NAALADL2: variants seen among roughly 807,000 people sequenced by gnomAD.
NAALADL2 encodes the protein inactive N-acetylated-alpha-linked acidic dipeptidase-like protein 2.
Under a neutral mutation model 87.2 loss-of-function variants are expected in NAALADL2, and 76 were observed. That is an observed-to-expected ratio of 0.87 (90% CI 0.72 to 1.05). NAALADL2 has a LOEUF of 1.05. Ranked by LOEUF, NAALADL2 falls within the 50% of genes least tolerant of loss-of-function variation. NAALADL2 has a pLI of 0.00. For synonymous variants in NAALADL2, 354 were observed against 331.0 expected (o/e 1.07, Z -0.75); for missense variants, 1,089 against 945.8 (o/e 1.15, Z -1.99).
intron 1 of NAALADL2, among the ~76,000 whole-genome samples, chr3:174,883,036 A>G (rs182202417): frequency 6.6e-4 from 100 of 151,974 alleles, no homozygotes; most frequent in African/African-American, 2.3e-3. Flanking sequence ...CCAAAACTGA[A>G]GAACTTGGAG....
chr3:174,855,892 A>G (rs900650832), upstream of NAALADL2, among the ~76,000 whole-genome samples: 8 of 142,340 alleles, frequency 5.6e-5, no homozygotes, highest in Non-Finnish European at 1.0e-4. Context: ...ATATGAATAT[A>G]TATACACATA....
chr3:175,792,177 G>A (rs373143397), intron 13 of NAALADL2, among the ~76,000 whole-genome samples: 139 of 152,198 alleles, frequency 9.1e-4, no homozygotes, highest in African/African-American at 2.9e-3. Context: ...AGTGACACAC[G>A]AATAAACTGT....
intron 4 of NAALADL2, among the ~76,000 whole-genome samples, chr3:175,313,883 T>C (rs900801126): frequency 1.3e-5 from 2 of 151,688 alleles, no homozygotes; most frequent in Non-Finnish European, 2.9e-5. Context: ...GCCAACATGG[T>C]AAAACCATGT....
intron 3 of NAALADL2, among the ~76,000 whole-genome samples, chr3:174,747,352 G>GA: frequency 6.6e-6 from 1 of 152,172 alleles, no homozygotes; most frequent in Middle Eastern, 3.4e-3. Context: ...GTTCATCAGA[G>GA]AAATGCAAAT....
At chr3:175,130,214 C>A (rs1027316482) in intron 2 of NAALADL2, among the ~76,000 whole-genome samples, 1 of 151,966 alleles carries the variant, frequency 6.6e-6, no homozygotes, top group Non-Finnish European at 1.5e-5. Flanking sequence ...ATTATAACTT[C>A]TTATAAATTT....
intron 1 of NAALADL2, among the ~76,000 whole-genome samples, chr3:174,923,862 A>T (rs576908623): frequency 8.2e-4 from 125 of 152,154 alleles, no homozygotes; most frequent in African/African-American, 2.7e-3. Flanking sequence ...AATTTGTGAT[A>T]TTTTTTGGGT....
intron 2 of NAALADL2, among the ~76,000 whole-genome samples, chr3:174,565,742 T>C (rs1714178876): frequency 6.6e-6 from 1 of 152,062 alleles, no homozygotes; most frequent in African/African-American, 2.4e-5. Context: ...TGTAAGAAAC[T>C]GCTAAATTGT....
At chr3:174,503,434 A>C (rs1382144750) in intron 1 of NAALADL2, among the ~76,000 whole-genome samples, 1 of 152,200 alleles carries the variant, frequency 6.6e-6, no homozygotes, top group Non-Finnish European at 1.5e-5. Flanking sequence ...AAAGGAGTTA[A>C]TCAAAATTAG....
chr3:175,695,382 C>T (rs1267761075), intron 11 of NAALADL2, among the ~76,000 whole-genome samples: 1 of 152,138 alleles, frequency 6.6e-6, no homozygotes, highest in Non-Finnish European at 1.5e-5. Flanking sequence ...GTGAAATATT[C>T]TACTCCTTCC....
intron 1 of NAALADL2, among the ~76,000 whole-genome samples, chr3:174,941,403 G>A (rs1325087983): frequency 6.6e-6 from 1 of 152,072 alleles, no homozygotes; most frequent in Admixed American, 6.6e-5. Flanking sequence ...GCTGTGGATT[G>A]TTTTATATCA....
intron 1 of NAALADL2, among the ~76,000 whole-genome samples, chr3:174,480,031 A>C (rs934973500): frequency 7.2e-5 from 11 of 152,142 alleles, no homozygotes; most frequent in African/African-American, 2.7e-4. Flanking sequence ...TTTTGTAACA[A>C]CATAAAACCA....
At chr3:174,779,695 A>G (rs532725831) in intron 3 of NAALADL2, among the ~76,000 whole-genome samples, 35 of 152,192 alleles carry the variant, frequency 2.3e-4, no homozygotes, top group Non-Finnish European at 4.4e-4. Context: ...GCATATGGCT[A>G]GACAGTTTTT....
At chr3:175,224,018 G>A (rs556497176) in intron 2 of NAALADL2, among the ~76,000 whole-genome samples, 2 of 152,116 alleles carry the variant, frequency 1.3e-5, no homozygotes, top group South Asian at 4.1e-4. Flanking sequence ...TTGAAACTAA[G>A]GTTTAAGTTT....
chr3:175,656,831 T>G (rs1011789658), intron 11 of NAALADL2, among the ~76,000 whole-genome samples: 1 of 152,038 alleles, frequency 6.6e-6, no homozygotes, highest in Non-Finnish European at 1.5e-5. Context: ...GAAAGCAAAT[T>G]TTTTGCTGGA....
chr3:174,880,113 A>T (rs1176156928), intron 1 of NAALADL2, among the ~76,000 whole-genome samples: 1 of 151,880 alleles, frequency 6.6e-6, no homozygotes, highest in Non-Finnish European at 1.5e-5. Flanking sequence ...CTCCCTTGTG[A>T]CCTATCAGCT....
chr3:175,318,919 A>G (rs1759491039), intron 4 of NAALADL2, among the ~76,000 whole-genome samples: 1 of 152,358 alleles, frequency 6.6e-6, no homozygotes, highest in African/African-American at 2.4e-5. Flanking sequence ...TTCATTTAGC[A>G]TGATGCTTTT....
At chr3:175,112,548 C>A (rs1459431835) in intron 2 of NAALADL2, 1 of 151,628 alleles carries the variant, frequency 6.6e-6, no homozygotes, top group Non-Finnish European at 1.5e-5. Flanking sequence ...TCCTACCTGG[C>A]ATTAGGTAGA....
intron 1 of NAALADL2, among the ~76,000 whole-genome samples, chr3:174,497,782 A>G (rs1718636771): frequency 6.6e-6 from 1 of 152,190 alleles, no homozygotes; most frequent in African/African-American, 2.4e-5. Flanking sequence ...TGCTTGTGAT[A>G]ATTTTGAATT....
At chr3:174,574,813 A>T (rs990615730) in intron 2 of NAALADL2, among the ~76,000 whole-genome samples, 3 of 151,812 alleles carry the variant, frequency 2.0e-5, no homozygotes, top group African/African-American at 7.3e-5. Flanking sequence ...ACTCAGTGTA[A>T]TTTTTTTTGA....
Sources: allele counts gnomAD v4.1 joint callset (sites outside exome capture counted in the v4.1 genomes callset), GRCh38; gene constraint gnomAD v4.1.1; transcripts MANE v1.5; gene names NCBI Gene and HGNC (gene_info 2026-07-23, HGNC 2026-07-21).